NAT10: variants seen among roughly 807,000 people sequenced by gnomAD.
NAT10 encodes the protein N-acetyltransferase 10.
NAT10 carries 109 observed loss-of-function variants against 132.2 expected under a neutral mutation model. That is an observed-to-expected ratio of 0.82 (90% CI 0.71 to 0.97). The LOEUF (loss-of-function observed/expected upper bound fraction) is 0.97. Among genes scored for constraint, NAT10 ranks in the 50% least tolerant of loss-of-function variants. The pLI, the probability that NAT10 is intolerant of heterozygous loss-of-function variation, is 0.00. For missense variants in NAT10, 1,184 were observed against 1,263.4 expected (o/e 0.94, Z 0.95); for synonymous variants, 479 against 478.0 (o/e 1.00, Z -0.03).
At position 34,139,181 on chromosome 11, in the gene NAT10, T is replaced by G. The variant is rs1458909441; in HGVS notation, c.2212-10T>G. 1 of 1,612,780 alleles carries G rather than the reference T, an allele frequency of 6.2e-7. No homozygotes were observed. ...GTTCTTGGTGCCAGTTAAACCTCTG[T>G]GTTGCCCAGAATGACCTGACCGGAG... On this transcript the variant is annotated splice_polypyrimidine_tract_variant and intron_variant, in intron 21 of 28. Coordinates refer to ENST00000257829, the MANE Select transcript of NAT10 (RefSeq NM_024662.3).
At chr11:34,132,459 C>T (rs574440925) in intron 15 of NAT10, among the ~76,000 whole-genome samples, 3 of 151,848 alleles carry the variant, frequency 2.0e-5, no homozygotes, top group African/African-American at 7.2e-5. Context: ...TCTTGCCTGC[C>T]TACTAAACTG....
chr11:34,141,408 TCACACACACACACACA>T (rs59489457), intron 25 of NAT10, among the ~76,000 whole-genome samples, 200 bp downstream of exon 25: 41 of 132,868 alleles, frequency 3.1e-4, no homozygotes, highest in Middle Eastern at 3.6e-3. Context: ...TCATCACACA[TCACACACACACACACA>T]CACACACACA....
At chr11:34,141,349 ATC>A in intron 25 of NAT10, 141 bp downstream of exon 25, 24 of 1,233,054 alleles carry the variant, frequency 1.9e-5, no homozygotes, top group South Asian at 2.9e-5. Context: ...ACACACACAA[ATC>A]CAGGACTTCA....
intron 27 of NAT10, among the ~76,000 whole-genome samples, chr11:34,142,622 G>T (rs181215129): frequency 1.3e-5 from 2 of 152,202 alleles, no homozygotes; most frequent in Non-Finnish European, 2.9e-5. Flanking sequence ...TTCCAGGAGT[G>T]GGGGTGCCGA....
rs760717042 is a variant in NAT10, at chr11:34,139,492, C to T, written c.2416C>T (p.Pro806Ser). 1.2e-6 allele frequency: 2 copies of T among 1,613,556 alleles called. No homozygotes were observed. The highest frequency in any genetic ancestry group is 1.7e-5 in the Admixed American group (1 of 60,010). ...QNRNMGKPAQ[P>S]ALSREELEAL... ...CAGGAACATGGGGAAGCCAGCCCAGCCTGGTGAGCCGGGTGGGGACAGGGA... is the reference window on the plus strand; with the variant it reads ...CAGGAACATGGGGAAGCCAGCCCAGTCTGGTGAGCCGGGTGGGGACAGGGA... Residue 806 changes from proline to serine, a missense_variant, in exon 23 of 29, where the codon CCT (proline) becomes TCT (serine). Coordinates refer to ENST00000257829, the MANE Select transcript of NAT10 (RefSeq NM_024662.3).
In NAT10 at chr11:34,146,313, A is replaced by G; in HGVS notation, c.*121A>G. The G allele has an allele frequency of 1.4e-6, 1 of 698,988 alleles. No individual in the cohort carries two copies. The highest frequency in any genetic ancestry group is 2.4e-6 in the Non-Finnish European group (1 of 425,312). 43.3% of individuals were successfully genotyped at this position (698,988 alleles called of 1,614,324 possible). The stretch of plus-strand genomic sequence containing the variant: ...CGGCACACCTGGAAGCTGGCCGCGA[A>G]TTCGGCCTCTGGGCCTGTGTGTCTG... On this transcript the variant is annotated 3_prime_UTR_variant, in exon 29 of 29. Transcript: ENST00000257829.
chr11:34,123,714 A>T (rs754244202), intron 9 of NAT10, 48 bp from the exon 10 acceptor site: 1 of 1,352,980 alleles, frequency 7.4e-7, no homozygotes, highest in East Asian at 2.3e-5. Flanking sequence ...TTGTTTCTTT[A>T]AGATGTTCCT....
chr11:34,140,262 T>C (rs1590782458), intron 23 of NAT10, 138 bp from the exon 24 acceptor site: 2 of 816,952 alleles, frequency 2.4e-6, no homozygotes, highest in Admixed American at 2.7e-5. Flanking sequence ...TTGGTGCCCC[T>C]CTGGGCCAGG....
chr11:34,129,108 A>G (rs1412415102), intron 12 of NAT10, among the ~76,000 whole-genome samples: 2 of 152,216 alleles, frequency 1.3e-5, no homozygotes, highest in South Asian at 2.1e-4. Context: ...TTTGAACATT[A>G]GCGTGCAGAT....
At chr11:34,118,088 G>A (rs1851815416) in intron 6 of NAT10, 92 bp from the exon 7 acceptor site, 1 of 1,024,346 alleles carries the variant, frequency 9.8e-7, no homozygotes, top group Non-Finnish European at 1.5e-6. Context: ...AGAGACACTT[G>A]GGGCCAGTTA....
intron 3 of NAT10, among the ~76,000 whole-genome samples, chr11:34,110,386 T>C (rs1851672379): frequency 6.6e-6 from 1 of 151,680 alleles, no homozygotes; most frequent in Admixed American, 6.6e-5. Context: ...AAATCCTGTT[T>C]CTCAGGGCCT....
At chr11:34,108,152 A>G (rs1851628756) in intron 1 of NAT10, 59 bp from the exon 2 acceptor site, 1 of 1,190,900 alleles carries the variant, frequency 8.4e-7, no homozygotes, top group Admixed American at 1.7e-5. Flanking sequence ...AAAGGCAGCC[A>G]GCTAATGTTC....
At position 34,134,559 on chromosome 11, in the gene NAT10, C is replaced by T. The variant is rs570432417; in HGVS notation, c.1884C>T (p.Arg628=). The T allele has an allele frequency of 6.2e-7, 1 of 1,614,148 alleles. No homozygotes were observed. The highest frequency in any genetic ancestry group is 1.3e-5 in the African/African-American group (1 of 75,032). ...GTCTGTCTGGTGGAAGGGTCGTTCG[C>T]ATTGCTGTTCACCCAGATTATCAAG... ...FGGLSGGRVV[R]IAVHPDYQGM... Residue 628 remains arginine, a synonymous_variant, in exon 18 of 29, where the codon CGC becomes CGT. Coordinates refer to ENST00000257829, the MANE Select transcript of NAT10 (RefSeq NM_024662.3).
At chr11:34,125,864 C>T (rs993597994) in intron 11 of NAT10, among the ~76,000 whole-genome samples, 10 of 152,070 alleles carry the variant, frequency 6.6e-5, no homozygotes, top group African/African-American at 1.4e-4. Context: ...CTCGGGAGGC[C>T]GAGGCAGGAG....
At position 34,135,083 on chromosome 11, in the gene NAT10, G is replaced by C. The variant is rs1188122591; in HGVS notation, c.1912-92G>C. 4 of 971,544 alleles carry C rather than the reference G, an allele frequency of 4.1e-6. No homozygotes were observed. The East Asian group carries it at 7.2e-5, about 17-fold the overall frequency. The allele number at this position is 971,544 out of a possible 1,614,324, so 60.2% of individuals were successfully genotyped here. A position where few individuals can be genotyped will look rare whatever the true frequency, so the allele number is the denominator to read the frequency against. ...CCCGTGCTGTTTGACAGGGAGGGAAGGTTCTCTAGAAGCAATGCAGGGGAG... is the reference window on the plus strand; with the variant it reads ...CCCGTGCTGTTTGACAGGGAGGGAACGTTCTCTAGAAGCAATGCAGGGGAG... On this transcript the variant is annotated intron_variant, in intron 18 of 28. Transcript: ENST00000257829.
At chr11:34,131,683 T>C (rs1852108043) in intron 14 of NAT10, 152 bp downstream of exon 14, 1 of 898,796 alleles carries the variant, frequency 1.1e-6, no homozygotes, top group Middle Eastern at 3.7e-4. Context: ...CTTTTTTTTT[T>C]TTCTTTCTTT....
In NAT10 at chr11:34,115,898, TC is replaced by T; in HGVS notation, c.557+20del. 1.2e-6 allele frequency: 2 copies of T among 1,613,408 alleles called. No individual in the cohort carries two copies. Among genetic ancestry groups the T allele is most frequent in the Non-Finnish European group, 1.7e-6 (2 of 1,179,674 alleles). Reference sequence around the variant, plus strand: ...ATTTAATGAAAGGTAATTCTATAGTTCCCCCCAATTGTGGGGCAGCCACATT... The same window carrying T: ...ATTTAATGAAAGGTAATTCTATAGTTCCCCCAATTGTGGGGCAGCCACATT... On this transcript the variant is annotated intron_variant, in intron 6 of 28. Transcript: ENST00000257829.
chr11:34,140,678 T>A (rs980906987), intron 24 of NAT10, 106 bp downstream of exon 24: 4 of 1,290,634 alleles, frequency 3.1e-6, no homozygotes, highest in Non-Finnish European at 4.3e-6. Context: ...CTTTAATTCC[T>A]CATACATCTG....
At chr11:34,118,074 T>G in intron 6 of NAT10, 106 bp from the exon 7 acceptor site, 1 of 883,174 alleles carries the variant, frequency 1.1e-6, no homozygotes, top group South Asian at 1.7e-5. Flanking sequence ...TTTCTGGCTT[T>G]CTTAGAGACA....
Sources: gnomAD v4.1 joint callset for allele counts (sites outside exome capture counted in the v4.1 genomes callset) on GRCh38, gnomAD v4.1.1 for gene constraint, MANE v1.5 for transcripts, NCBI Gene and HGNC (gene_info 2026-07-23, HGNC 2026-07-21) for gene names.